Variants in TRMT9B observed in about 807,000 individuals in gnomAD.
TRMT9B encodes the protein tRNA methyltransferase 9B (putative), also known as probable tRNA methyltransferase 9B.
TRMT9B carries 16 observed loss-of-function variants against 11.5 expected under a neutral mutation model. The observed-to-expected ratio is 1.39, with a 90% CI of 0.94 to 2.11. TRMT9B has a LOEUF of 2.11. Ranked by LOEUF, TRMT9B falls within the 30% of genes most tolerant of loss-of-function variation. The pLI is 0.00. For synonymous variants in TRMT9B, 274 were observed against 192.4 expected (o/e 1.42, Z -3.51); for missense variants, 941 against 553.8 (o/e 1.70, Z -7.02).
At chr8:12,975,423 G>GA (rs34329789) in intron 1 of TRMT9B, among the ~76,000 whole-genome samples, 55 of 147,504 alleles carry the variant, frequency 3.7e-4, no homozygotes, top group African/African-American at 8.0e-4. Flanking sequence ...TAGCAGGAAA[G>GA]AAAAAAAAAA....
At chr8:12,992,160 A>G (rs931177841) in intron 2 of TRMT9B, among the ~76,000 whole-genome samples, 1 of 152,184 alleles carries the variant, frequency 6.6e-6, no homozygotes, top group South Asian at 2.1e-4. Flanking sequence ...TTAATTATTG[A>G]GTGATGCTCT....
At chr8:12,994,361 TAAG>T (rs920039347) in intron 2 of TRMT9B, among the ~76,000 whole-genome samples, 2 of 152,244 alleles carry the variant, frequency 1.3e-5, no homozygotes, top group African/African-American at 4.8e-5. Context: ...TTTTATTTTT[TAAG>T]AAGATACTGA....
At chr8:13,018,477 GAA>G (rs1380671976) in intron 4 of TRMT9B, among the ~76,000 whole-genome samples, 1 of 151,608 alleles carries the variant, frequency 6.6e-6, no homozygotes, top group East Asian at 1.9e-4. Context: ...TGAGTCTACT[GAA>G]AAGAGACCAT....
At chr8:12,993,518 G>A (rs925002800) in intron 2 of TRMT9B, among the ~76,000 whole-genome samples, 11 of 152,186 alleles carry the variant, frequency 7.2e-5, no homozygotes, top group Non-Finnish European at 1.2e-4. Flanking sequence ...GATAGATGTG[G>A]GGGGTGCAGA....
chr8:12,988,182 C>T (rs981859322), intron 1 of TRMT9B, among the ~76,000 whole-genome samples: 1 of 152,100 alleles, frequency 6.6e-6, no homozygotes, highest in African/African-American at 2.4e-5. Context: ...TTTTGAACTT[C>T]CGTTTAGGTG....
In TRMT9B at chr8:12,949,745, A is replaced by G. The variant is rs975543475; in HGVS notation, c.-200+3779A>G. On this transcript the variant is annotated intron_variant, in intron 1 of 4. Coordinates refer to ENST00000524591, the MANE Select transcript of TRMT9B (RefSeq NM_020844.3). ...TAAGGGGGTTTCAAAGCTTCTATCA[A>G]CATTTTCATAGGGGCCTATTACCTA... 2.6e-5 allele frequency among the ~76,000 whole-genome samples: 4 copies of G among 152,242 alleles called. No individual in the cohort carries two copies. In the South Asian group the frequency reaches 6.2e-4, roughly 24 times the overall value.
At chr8:12,959,516 CTTTTTT>C (rs61536433) in intron 1 of TRMT9B, among the ~76,000 whole-genome samples, 6 of 74,896 alleles carry the variant, frequency 8.0e-5, no homozygotes, top group East Asian at 1.0e-3. Context: ...TTTTTCCTTC[CTTTTTT>C]TTTTTTTTTT....
intron 1 of TRMT9B, among the ~76,000 whole-genome samples, chr8:12,946,793 A>C (rs2128853679): frequency 6.6e-6 from 1 of 152,332 alleles, no homozygotes; most frequent in Middle Eastern, 3.4e-3. Flanking sequence ...TTCAGGAAGA[A>C]AGAGAAGAAG....
intron 1 of TRMT9B, among the ~76,000 whole-genome samples, chr8:12,977,645 G>A (rs899009358): frequency 6.6e-6 from 1 of 152,094 alleles, no homozygotes; most frequent in African/African-American, 2.4e-5. Context: ...AGGTTGCAGT[G>A]AGCTGAGATC....
At chr8:12,978,081 C>T (rs1176014246) in intron 1 of TRMT9B, among the ~76,000 whole-genome samples, 1 of 152,090 alleles carries the variant, frequency 6.6e-6, no homozygotes, top group Non-Finnish European at 1.5e-5. Flanking sequence ...AGGAGTCAGG[C>T]TGAAAGGACC....
rs997857630 is a variant in TRMT9B at position 13,026,768 on chromosome 8, C to G, written c.*4724C>G. The G allele has an allele frequency of 1.2e-5, 2 of 167,090 alleles. No homozygotes were observed. Among genetic ancestry groups the G allele is most frequent in the Non-Finnish European group, 2.9e-5 (2 of 68,126 alleles). The allele number at this position is 167,090 out of a possible 1,614,324, so 10.4% of individuals were successfully genotyped here. On this transcript the variant is annotated 3_prime_UTR_variant, in exon 5 of 5. Coordinates refer to ENST00000524591, the MANE Select transcript of TRMT9B (RefSeq NM_020844.3). ...CAAACCCAGGTCTGGCTCCTAGTCTCTGCTCTTAACCACAACACCATATAC... is the reference window on the plus strand; with the variant it reads ...CAAACCCAGGTCTGGCTCCTAGTCTGTGCTCTTAACCACAACACCATATAC...
chr8:12,981,994 T>C (rs1176904798), intron 1 of TRMT9B, among the ~76,000 whole-genome samples: 1 of 152,224 alleles, frequency 6.6e-6, no homozygotes, highest in Non-Finnish European at 1.5e-5. Context: ...CATGACCTCC[T>C]AAATTTTATG....
Position 13,022,259 on chromosome 8 carries a change from G to A in TRMT9B, c.*215G>A, listed in dbSNP as rs570918154. On this transcript the variant is annotated 3_prime_UTR_variant, in exon 5 of 5. Transcript: ENST00000524591. ...TGACAAAGGGTATTTGTGCTTAAATGTTAATATACAAGATCTGAAGAAGCA... is the reference window on the plus strand; with the variant it reads ...TGACAAAGGGTATTTGTGCTTAAATATTAATATACAAGATCTGAAGAAGCA... 60 of 481,400 alleles carry A rather than the reference G, an allele frequency of 1.2e-4. No homozygotes were observed. In the Middle Eastern group the frequency reaches 3.2e-3, roughly 26 times the overall value. The allele number at this position is 481,400 out of a possible 1,614,324, so 29.8% of individuals were successfully genotyped here.
intron 1 of TRMT9B, among the ~76,000 whole-genome samples, chr8:12,955,302 C>G (rs919704205): frequency 2.6e-5 from 4 of 152,074 alleles, no homozygotes; most frequent in African/African-American, 9.7e-5. Context: ...AAAGAAGTAA[C>G]CTGTGGTTGT....
intron 1 of TRMT9B, among the ~76,000 whole-genome samples, chr8:12,969,390 C>G (rs767087230): frequency 6.6e-6 from 1 of 152,172 alleles, no homozygotes; most frequent in Non-Finnish European, 1.5e-5. Context: ...CACCCAGTCA[C>G]TCCTTTGCAT....
At chr8:12,997,432 G>A (rs796534162) in intron 2 of TRMT9B, among the ~76,000 whole-genome samples, 14 of 152,204 alleles carry the variant, frequency 9.2e-5, no homozygotes, top group African/African-American at 3.4e-4. Flanking sequence ...GCAGATGCTG[G>A]TGCCATGCTT....
At chr8:12,973,293 C>A (rs4831855) in intron 1 of TRMT9B, among the ~76,000 whole-genome samples, 1 of 152,092 alleles carries the variant, frequency 6.6e-6, no homozygotes, top group African/African-American at 2.4e-5. Flanking sequence ...TGCCCCTTCC[C>A]TTGCCAGCAC....
At chr8:13,018,425 A>G (rs532564256) in intron 4 of TRMT9B, among the ~76,000 whole-genome samples, 4 of 152,042 alleles carry the variant, frequency 2.6e-5, no homozygotes, top group Middle Eastern at 3.4e-3. Flanking sequence ...ACAAAGAAAA[A>G]AACCTACTTT....
chr8:12,950,915 C>G (rs747688574), intron 1 of TRMT9B, among the ~76,000 whole-genome samples: 25 of 152,184 alleles, frequency 1.6e-4, no homozygotes, highest in Non-Finnish European at 2.9e-4. Flanking sequence ...GAGCACGAAC[C>G]TCTATACAAA....
Sources: allele counts gnomAD v4.1 joint callset (sites outside exome capture counted in the v4.1 genomes callset), GRCh38; gene constraint gnomAD v4.1.1; transcripts MANE v1.5; gene names NCBI Gene and HGNC (gene_info 2026-07-23, HGNC 2026-07-21).